FGGY: variants seen among roughly 807,000 people sequenced by gnomAD.
The protein encoded by FGGY is FGGY carbohydrate kinase domain containing.
In FGGY, 72 loss-of-function variants were observed where a neutral mutation model predicts 71.3. That is an observed-to-expected ratio of 1.01 (90% confidence interval 0.84 to 1.23). The LOEUF (loss-of-function observed/expected upper bound fraction) is 1.23, where lower values mean the gene tolerates loss of function less well. Ranked by LOEUF, FGGY falls within the 50% of genes most tolerant of loss-of-function variation. FGGY has a pLI of 0.00. For synonymous variants in FGGY, 251 were observed against 250.3 expected (o/e 1.00, Z -0.02); for missense variants, 668 against 682.3 (o/e 0.98, Z 0.23).
At chr1:59,547,358 G>C (rs895293026) in intron 7 of FGGY, among the ~76,000 whole-genome samples, 49 of 152,122 alleles carry the variant, frequency 3.2e-4, no homozygotes, top group African/African-American at 1.2e-3. Flanking sequence ...TCTGAGTTCA[G>C]CTATCCTATT....
chr1:59,699,369 C>G (rs950293511), intron 14 of FGGY: 1 of 985,318 alleles, frequency 1.0e-6, no homozygotes, highest in Non-Finnish European at 1.2e-6. Flanking sequence ...GAAAGTGTTT[C>G]ATATTAAATG....
intron 7 of FGGY, among the ~76,000 whole-genome samples, chr1:59,542,604 G>GCACCAC (rs1329573660): frequency 6.6e-6 from 1 of 151,652 alleles, no homozygotes; most frequent in Non-Finnish European, 1.5e-5. Flanking sequence ...TTACAGGCAT[G>GCACCAC]CACCACCACG....
At chr1:59,374,839 A>G (rs535543899) in intron 4 of FGGY, among the ~76,000 whole-genome samples, 2 of 143,468 alleles carry the variant, frequency 1.4e-5, no homozygotes, top group South Asian at 2.2e-4. Context: ...ATTCTCACTC[A>G]TAGGTGGGAA....
rs114722686 is a variant in FGGY at position 59,572,056 on chromosome 1, A to C, written c.903+17829A>C. Among the ~76,000 whole-genome samples the C allele has an allele frequency of 2.3e-3, 350 of 152,278 alleles. 4 individuals are homozygous for C. Among genetic ancestry groups the C allele is most frequent in the African/African-American group, 8.1e-3 (335 of 41,568 alleles). On this transcript the variant is annotated intron_variant, in intron 8 of 15. Coordinates refer to ENST00000303721, the MANE Select transcript of FGGY (RefSeq NM_018291.5). ...TCAGGAAGAGCTTGAGGGAACTAGCATTTGCTTCTGAAGGATACATGAGTA... is the reference window on the plus strand; with the variant it reads ...TCAGGAAGAGCTTGAGGGAACTAGCCTTTGCTTCTGAAGGATACATGAGTA...
chr1:59,528,554 C>A (rs1479856423), intron 7 of FGGY, among the ~76,000 whole-genome samples: 2 of 152,188 alleles, frequency 1.3e-5, no homozygotes, highest in African/African-American at 4.8e-5. Context: ...AAATGCTCAG[C>A]TCTAGGGAAA....
At chr1:59,542,936 G>C (rs1326235892) in intron 7 of FGGY, among the ~76,000 whole-genome samples, 1 of 152,146 alleles carries the variant, frequency 6.6e-6, no homozygotes, top group Non-Finnish European at 1.5e-5. Context: ...AGAGAAAGGA[G>C]AACCAAGCTT....
At chr1:59,443,331 AC>A (rs891709606) in intron 5 of FGGY, among the ~76,000 whole-genome samples, 1 of 152,224 alleles carries the variant, frequency 6.6e-6, no homozygotes, top group Non-Finnish European at 1.5e-5. Context: ...CAATTGGCAG[AC>A]ACTATTTCAG....
At chr1:59,363,270 A>G (rs2055949406) in intron 4 of FGGY, among the ~76,000 whole-genome samples, 1 of 152,230 alleles carries the variant, frequency 6.6e-6, no homozygotes, top group African/African-American at 2.4e-5. Context: ...TAGGAGAACC[A>G]ACATTTGGAC....
chr1:59,568,336 T>C (rs1267411904), intron 8 of FGGY, among the ~76,000 whole-genome samples: 1 of 152,122 alleles, frequency 6.6e-6, no homozygotes, highest in Admixed American at 6.5e-5. Flanking sequence ...TTTGGGCATG[T>C]TGTTTTCCCT....
intron 5 of FGGY, among the ~76,000 whole-genome samples, chr1:59,439,840 G>A (rs926399162): frequency 2.6e-5 from 4 of 151,766 alleles, no homozygotes; most frequent in East Asian, 1.9e-4. Context: ...CTCAACTTAC[G>A]GTTTTTTGCC....
chr1:59,415,283 T>C (rs1198838707), intron 5 of FGGY, among the ~76,000 whole-genome samples: 1 of 152,214 alleles, frequency 6.6e-6, no homozygotes, highest in East Asian at 1.9e-4. Context: ...CTCAATAAAG[T>C]TGTTTTCCTA....
At chr1:59,541,300 C>A (rs1475424105) in intron 7 of FGGY, among the ~76,000 whole-genome samples, 1 of 152,178 alleles carries the variant, frequency 6.6e-6, no homozygotes, top group Non-Finnish European at 1.5e-5. Flanking sequence ...GAACACCTGC[C>A]AGCCTGCCAG....
At chr1:59,606,843 A>G (rs1205258109) in intron 8 of FGGY, among the ~76,000 whole-genome samples, 1 of 152,084 alleles carries the variant, frequency 6.6e-6, no homozygotes, top group Non-Finnish European at 1.5e-5. Context: ...AATATTTTGT[A>G]TTTTGTCTTT....
chr1:59,614,143 T>G (rs1168855684), intron 9 of FGGY, among the ~76,000 whole-genome samples: 1 of 152,176 alleles, frequency 6.6e-6, no homozygotes, highest in Non-Finnish European at 1.5e-5. Flanking sequence ...CCCTAACTCA[T>G]TTTATGAGGC....
chr1:59,382,730 C>T (rs2059621521), intron 5 of FGGY, among the ~76,000 whole-genome samples: 2 of 152,122 alleles, frequency 1.3e-5, no homozygotes, highest in South Asian at 4.1e-4. Context: ...TGCTAGTTGT[C>T]ATGTGTATGG....
intron 5 of FGGY, among the ~76,000 whole-genome samples, chr1:59,415,231 G>A (rs1363787984): frequency 6.6e-6 from 1 of 151,954 alleles, no homozygotes; most frequent in East Asian, 2.0e-4. Context: ...TGCAGATTTG[G>A]AAAAGGCTGA....
intron 6 of FGGY, among the ~76,000 whole-genome samples, chr1:59,472,232 G>A (rs1377416982): frequency 6.6e-6 from 1 of 152,250 alleles, no homozygotes; most frequent in African/African-American, 2.4e-5. Context: ...GCGGTCGGCC[G>A]GCTCCACCGG....
chr1:59,704,728 G>A (rs185518804), intron 14 of FGGY, among the ~76,000 whole-genome samples: 1 of 152,224 alleles, frequency 6.6e-6, no homozygotes, highest in Non-Finnish European at 1.5e-5. Flanking sequence ...AGCTGTTACA[G>A]AGACACAAAG....
intron 6 of FGGY, among the ~76,000 whole-genome samples, chr1:59,468,067 C>A (rs2153538551): frequency 6.6e-6 from 1 of 152,150 alleles, no homozygotes; most frequent in Non-Finnish European, 1.5e-5. Context: ...CCATACCTGG[C>A]TAATTTTGTA....
Sources: allele counts gnomAD v4.1 joint callset (sites outside exome capture counted in the v4.1 genomes callset), GRCh38; gene constraint gnomAD v4.1.1; transcripts MANE v1.5; gene names NCBI Gene and HGNC (gene_info 2026-07-23, HGNC 2026-07-21).